The following DLC1 variants were observed in gnomAD, a reference collection of about 807,000 sequenced individuals.
The protein encoded by DLC1 is DLC1 Rho GTPase activating protein.
Under a neutral mutation model 140.3 loss-of-function variants are expected in DLC1, and 54 were observed. That is an observed-to-expected ratio of 0.38 (90% CI 0.31 to 0.48). The LOEUF (loss-of-function observed/expected upper bound fraction) is 0.48. Ranked by LOEUF, DLC1 falls within the 20% of genes least tolerant of loss-of-function variation. DLC1 has a pLI of 0.96. For missense variants in DLC1, 2,536 were observed against 1,907.0 expected, an observed-to-expected ratio of 1.33 and a Z score of -6.14; for synonymous variants, 986 against 728.1, an observed-to-expected ratio of 1.35 and a Z score of -5.70.
chr8:13,247,741 G>C (rs996355626), intron 5 of DLC1, among the ~76,000 whole-genome samples: 1 of 152,178 alleles, frequency 6.6e-6, no homozygotes, highest in Non-Finnish European at 1.5e-5. Context: ...GATCAAACAA[G>C]TGCAAAAAAT....
chr8:13,306,717 A>T (rs1832452348), intron 4 of DLC1, among the ~76,000 whole-genome samples: 1 of 152,060 alleles, frequency 6.6e-6, no homozygotes, highest in Admixed American at 6.6e-5. Flanking sequence ...TACTGCTGAG[A>T]TCTTCACCTT....
At position 13,255,542 on chromosome 8, in the gene DLC1, A is replaced by T. The variant is rs191175366; in HGVS notation, c.1348+49727T>A. On this transcript the variant is annotated intron_variant, in intron 5 of 17. Coordinates refer to ENST00000276297, the MANE Select transcript of DLC1 (RefSeq NM_182643.3). ...GAAATGAATGGAATGAAAGAAAAAAATAGTAAATGAACAGATGTGAGGGTT... is the reference window on the plus strand; with the variant it reads ...GAAATGAATGGAATGAAAGAAAAAATTAGTAAATGAACAGATGTGAGGGTT... Among the ~76,000 whole-genome samples, 7 of 152,346 alleles carry T rather than the reference A, an allele frequency of 4.6e-5. No individual in the cohort carries two copies. The East Asian group carries it at 1.3e-3, about 29-fold the overall frequency.
chr8:13,439,343 C>G (rs1349099404), intron 2 of DLC1, among the ~76,000 whole-genome samples: 1 of 151,822 alleles, frequency 6.6e-6, no homozygotes, highest in Non-Finnish European at 1.5e-5. Context: ...AAAAGAAAAA[C>G]AAAAACAGGC....
At chr8:13,571,224 A>G (rs1047643108) in intron 1 of DLC1, among the ~76,000 whole-genome samples, 3 of 152,214 alleles carry the variant, frequency 2.0e-5, no homozygotes, top group African/African-American at 4.8e-5. Context: ...TAAAATCTAC[A>G]TAACAGAAAT....
At position 13,185,283 on chromosome 8, in the gene DLC1, G is replaced by GTTT. The variant is rs113333274; in HGVS notation, c.1349-69629_1349-69627dup. Among the ~76,000 whole-genome samples, 1,158 of 130,642 alleles carry GTTT rather than the reference G, an allele frequency of 8.9e-3. 6 individuals carry two copies. Among genetic ancestry groups the GTTT allele is most frequent in the Middle Eastern group, 0.021 (5 of 242 alleles). 85.7% of individuals were successfully genotyped at this position (130,642 alleles called of 152,430 possible). Reference sequence around the variant, plus strand: ...CAATTTGCCAGTCTGTGTCTTTTCTGTTTTTTTTGTTTGTTTGTTTGTTTG... The same window carrying GTTT: ...CAATTTGCCAGTCTGTGTCTTTTCTGTTTTTTTTTTTGTTTGTTTGTTTGTTTG... On this transcript the variant is annotated intron_variant, in intron 5 of 17. Transcript: ENST00000276297.
intron 5 of DLC1, among the ~76,000 whole-genome samples, chr8:13,194,416 A>C (rs1826933859): frequency 1.3e-5 from 2 of 152,234 alleles, no homozygotes; most frequent in Admixed American, 6.5e-5. Flanking sequence ...TGAAAATAAC[A>C]GCTTGCATTT....
At chr8:13,173,957 T>TATTA in intron 5 of DLC1, among the ~76,000 whole-genome samples, 2 of 152,158 alleles carry the variant, frequency 1.3e-5, no homozygotes, top group Non-Finnish European at 2.9e-5. Flanking sequence ...AACGATCTCA[T>TATTA]CACCCAGGTA....
At chr8:13,549,132 T>C (rs1226625097) in intron 1 of DLC1, among the ~76,000 whole-genome samples, 2 of 152,064 alleles carry the variant, frequency 1.3e-5, no homozygotes, top group Admixed American at 6.6e-5. Context: ...TGGCAAAAAT[T>C]AGCAGTGAAA....
At chr8:13,531,938 T>C (rs1803112871) in intron 1 of DLC1, among the ~76,000 whole-genome samples, 1 of 152,206 alleles carries the variant, frequency 6.6e-6, no homozygotes, top group Non-Finnish European at 1.5e-5. Flanking sequence ...AACTTTAACT[T>C]GCTTATGTCA....
At chr8:13,235,685 G>C (rs138153875) in intron 5 of DLC1, among the ~76,000 whole-genome samples, 1 of 151,894 alleles carries the variant, frequency 6.6e-6, no homozygotes, top group Non-Finnish European at 1.5e-5. Context: ...ATTAAATCTT[G>C]CCCCAGAAAT....
At chr8:13,465,979 G>A (rs1799913661) in intron 2 of DLC1, among the ~76,000 whole-genome samples, 2 of 152,092 alleles carry the variant, frequency 1.3e-5, no homozygotes, top group Admixed American at 1.3e-4. Flanking sequence ...CCTTTATACA[G>A]ATTATACAAC....
intron 2 of DLC1, among the ~76,000 whole-genome samples, chr8:13,423,504 C>G (rs1838412187): frequency 2.0e-5 from 3 of 152,028 alleles, no homozygotes; most frequent in South Asian, 4.2e-4. Flanking sequence ...ATCCTTGATT[C>G]TTAGTATTGA....
chr8:13,233,995 T>C (rs1011795350), intron 5 of DLC1, among the ~76,000 whole-genome samples: 1 of 152,220 alleles, frequency 6.6e-6, no homozygotes, highest in Admixed American at 6.5e-5. Context: ...TCAATGTTTA[T>C]CTTTTTTCTT....
chr8:13,176,871 G>C (rs1257162625), intron 5 of DLC1, among the ~76,000 whole-genome samples: 1 of 152,164 alleles, frequency 6.6e-6, no homozygotes, highest in Non-Finnish European at 1.5e-5. Context: ...GACAAGGTCA[G>C]AGTAAAGCAA....
chr8:13,107,719 A>C (rs1488377192), intron 7 of DLC1, among the ~76,000 whole-genome samples: 1 of 152,170 alleles, frequency 6.6e-6, no homozygotes, highest in Non-Finnish European at 1.5e-5. Context: ...TCTCAACTAC[A>C]CTATGCAGCT....
chr8:13,365,936 C>G (rs1315235814), intron 4 of DLC1, among the ~76,000 whole-genome samples: 2 of 152,134 alleles, frequency 1.3e-5, no homozygotes, highest in African/African-American at 4.8e-5. Context: ...TGGAAAAATG[C>G]TTTCATCTTC....
At chr8:13,199,177 C>CTTTTTTTTTTTTTT (rs71207132) in intron 5 of DLC1, among the ~76,000 whole-genome samples, 1 of 93,290 alleles carries the variant, frequency 1.1e-5, no homozygotes, top group African/African-American at 4.2e-5. Flanking sequence ...TTCTCTTTTT[C>CTTTTTTTTTTTTTT]TTTTTTTTTT....
At chr8:13,312,563 C>T (rs1322021374) in intron 4 of DLC1, among the ~76,000 whole-genome samples, 1 of 151,484 alleles carries the variant, frequency 6.6e-6, no homozygotes, top group Non-Finnish European at 1.5e-5. Flanking sequence ...CTTATAAATC[C>T]TTTTCAGAAT....
chr8:13,405,260 A>G (rs1260859193), intron 2 of DLC1, among the ~76,000 whole-genome samples: 4 of 152,046 alleles, frequency 2.6e-5, no homozygotes, highest in African/African-American at 9.7e-5. Context: ...TGAGCATAAT[A>G]CCTAAGAGGT....
Sources: allele counts gnomAD v4.1 joint callset (sites outside exome capture counted in the v4.1 genomes callset), GRCh38; gene constraint gnomAD v4.1.1; transcripts MANE v1.5; gene names NCBI Gene and HGNC (gene_info 2026-07-23, HGNC 2026-07-21).